Variants in CEP295 observed in about 807,000 individuals in gnomAD.
CEP295 encodes the protein centrosomal protein of 295 kDa.
CEP295 carries 190 observed loss-of-function variants against 291.6 expected under a neutral mutation model. That is an observed-to-expected ratio of 0.65 (90% confidence interval 0.58 to 0.73). The LOEUF is 0.73. CEP295 is among the 30% of genes least tolerant of loss of function. The pLI is 0.00. For synonymous variants in CEP295, 993 were observed against 1,038.8 expected (o/e 0.96, Z 0.85); for missense variants, 2,863 against 2,949.4 (o/e 0.97, Z 0.68).
chr11:93,711,237 A>G (rs997132946), intron 18 of CEP295, among the ~76,000 whole-genome samples: 2 of 152,028 alleles, frequency 1.3e-5, no homozygotes, highest in African/African-American at 4.8e-5. Context: ...GTAGATACTT[A>G]AATAGCTATA....
intron 6 of CEP295, 57 bp from the exon 7 acceptor site, chr11:93,679,355 G>T: frequency 6.9e-7 from 1 of 1,446,220 alleles, no homozygotes; most frequent in Non-Finnish European, 9.3e-7. Flanking sequence ...TTGTTTTTTA[G>T]TTACTGCTTG....
chr11:93,684,819 C>T (rs1318316065), intron 9 of CEP295, among the ~76,000 whole-genome samples: 1 of 152,158 alleles, frequency 6.6e-6, no homozygotes, highest in Non-Finnish European at 1.5e-5. Flanking sequence ...CTGGTGCCAT[C>T]CCCATTTGAG....
intron 17 of CEP295, among the ~76,000 whole-genome samples, chr11:93,705,950 G>T (rs1952485349): frequency 6.6e-6 from 1 of 152,168 alleles, no homozygotes; most frequent in African/African-American, 2.4e-5. Context: ...TATTGAGCCA[G>T]ACCTAGGAGA....
chr11:93,716,750 A>G (rs1402368614), intron 18 of CEP295, among the ~76,000 whole-genome samples: 1 of 152,272 alleles, frequency 6.6e-6, no homozygotes, highest in Admixed American at 6.5e-5. Context: ...TTCATAACTC[A>G]GGATTGCACA....
At chr11:93,667,916 T>G (rs905052814) in intron 3 of CEP295, 109 bp downstream of exon 3, 1 of 765,386 alleles carries the variant, frequency 1.3e-6, no homozygotes, top group Admixed American at 3.3e-5. Context: ...TGAATTTCTT[T>G]GGGGCAGCTT....
chr11:93,700,348 G>A (rs750004491), intron 15 of CEP295, among the ~76,000 whole-genome samples, 162 bp downstream of exon 15: 20 of 151,826 alleles, frequency 1.3e-4, no homozygotes, highest in Non-Finnish European at 2.2e-4. Context: ...AACAAAAATC[G>A]ATCCACCCAC....
chr11:93,661,804 C>T (rs1285536348), intron 1 of CEP295, 30 bp downstream of exon 1: 1 of 152,742 alleles, frequency 6.5e-6, no homozygotes, highest in Non-Finnish European at 1.5e-5. Context: ...GCTTCCCAGT[C>T]GCCCCGTAGG....
chr11:93,722,086 G>A (rs1211848962), intron 20 of CEP295, 36 bp downstream of exon 20: 1 of 1,262,698 alleles, frequency 7.9e-7, no homozygotes, highest in Non-Finnish European at 1.1e-6. Context: ...TAAGTTGAAA[G>A]ACCGGCACCA....
chr11:93,676,130 A>G (rs753695498), intron 6 of CEP295, among the ~76,000 whole-genome samples: 6 of 151,928 alleles, frequency 3.9e-5, no homozygotes, highest in Non-Finnish European at 5.9e-5. Flanking sequence ...TTTAACCATT[A>G]TTTTATTTTT....
In CEP295 at chr11:93,728,744, A is replaced by G. The variant is rs749924176; in HGVS notation, c.7225A>G (p.Thr2409Ala). The change falls in exon 25 of 30, where the codon ACC (threonine) becomes GCC (alanine). Residue 2409 changes from threonine to alanine, a missense_variant. By Grantham distance (58) the Thr-to-Ala change is moderately conservative. Coordinates refer to ENST00000325212, the MANE Select transcript of CEP295 (RefSeq NM_033395.2). Reference protein sequence around the residue: ...PELTLISTTDTSIAEMDFANL... With the variant: ...PELTLISTTDASIAEMDFANL... ...ACTTACTTTAATAAGCACCACTGAT[A>G]CCAGTATTGCTGAAATGGATTTTGC... is the stretch of plus-strand genomic sequence containing the variant. 2.6e-5 allele frequency: 41 copies of G among 1,550,822 alleles called. No individual in the cohort carries two copies. Among genetic ancestry groups the G allele is most frequent in the Non-Finnish European group, 2.8e-5 (32 of 1,146,640 alleles).
chr11:93,724,340 T>C lies in CEP295; in HGVS notation c.6283T>C (p.Ser2095Pro), dbSNP rs980657874. The change falls in exon 22 of 30, where the codon TCT becomes CCT. Residue 2095 changes from serine (S) to proline (P), a missense_variant. Physicochemically the swap from Ser to Pro is moderately conservative, Grantham distance 74. Coordinates refer to ENST00000325212, the MANE Select transcript of CEP295 (RefSeq NM_033395.2). ...HPDFDLSSSSSGISPDNRDFY... is the reference protein window; with the variant it reads ...HPDFDLSSSSPGISPDNRDFY... ...AGATTTTGACTTATCATCATCATCCTCTGGGATTTCTCCAGACAACAGAGA... is the reference window on the plus strand; with the variant it reads ...AGATTTTGACTTATCATCATCATCCCCTGGGATTTCTCCAGACAACAGAGA... 1.3e-6 allele frequency: 2 copies of C among 1,550,332 alleles called. No individual in the cohort carries two copies. Among genetic ancestry groups the C allele is most frequent in the Non-Finnish European group, 1.7e-6 (2 of 1,145,698 alleles).
chr11:93,681,509 G>A (rs529074171), intron 7 of CEP295, among the ~76,000 whole-genome samples: 1 of 131,012 alleles, frequency 7.6e-6, no homozygotes, highest in African/African-American at 2.8e-5. Context: ...TCCACCTCCT[G>A]GGTTCAAATG....
chr11:93,722,909 C>A, intron 20 of CEP295, 132 bp from the exon 21 acceptor site: 1 of 647,548 alleles, frequency 1.5e-6, no homozygotes, highest in Non-Finnish European at 2.6e-6. Context: ...TGGGGTTTCA[C>A]CATGTTGGCG....
chr11:93,702,793 G>C lies in CEP295; in HGVS notation c.5470G>C (p.Asp1824His). ...CTTAATAGGTGAGCATCTGGAGAAAGATCTGGGGAGAAGATCCTCAAAGCC... is the reference window on the plus strand; with the variant it reads ...CTTAATAGGTGAGCATCTGGAGAAACATCTGGGGAGAAGATCCTCAAAGCC... ...AKQSGEHLEK[D>H]LGRRSSKPPV... Residue 1824 changes from aspartate (D) to histidine (H), a missense_variant, in exon 17 of 30, where the codon GAT (aspartate) becomes CAT (histidine). Around this residue, in one of 3 missense-constraint regions of CEP295, gnomAD observed 2,295 missense variants for 2,335.7 expected, o/e 0.98. Transcript: ENST00000325212. The C allele has an allele frequency of 1.3e-6, 2 of 1,551,988 alleles. No homozygotes were observed. The highest frequency in any genetic ancestry group is 2.4e-5 in the East Asian group (1 of 40,912).
At chr11:93,669,975 A>G (rs1294385095) in intron 5 of CEP295, among the ~76,000 whole-genome samples, 1 of 152,152 alleles carries the variant, frequency 6.6e-6, no homozygotes, top group Non-Finnish European at 1.5e-5. Flanking sequence ...TCTCTGATGT[A>G]TAAGGACTTT....
At chr11:93,715,807 C>T (rs927842918) in intron 18 of CEP295, among the ~76,000 whole-genome samples, 4 of 152,038 alleles carry the variant, frequency 2.6e-5, no homozygotes, top group African/African-American at 9.7e-5. Flanking sequence ...ATGGGGACCT[C>T]ATAAGTCCTC....
chr11:93,713,071 G>T (rs997018305), intron 18 of CEP295, among the ~76,000 whole-genome samples: 1 of 151,836 alleles, frequency 6.6e-6, no homozygotes, highest in Non-Finnish European at 1.5e-5. Flanking sequence ...CAAGCAAAGA[G>T]AAAACTAATA....
intron 6 of CEP295, among the ~76,000 whole-genome samples, chr11:93,676,331 ATT>A (rs1017020168): frequency 3.9e-5 from 6 of 152,008 alleles, no homozygotes; most frequent in African/African-American, 1.4e-4. Context: ...TGCACTGAAT[ATT>A]ATGTTTTAAA....
At position 93,728,785 on chromosome 11, in the gene CEP295, A is replaced by G; in HGVS notation, c.7266A>G (p.Glu2422=). 1 of 1,549,266 alleles carries G rather than the reference A, an allele frequency of 6.5e-7. No homozygotes were observed. Among genetic ancestry groups the G allele is most frequent in the South Asian group, 1.2e-5 (1 of 83,558 alleles). The change falls in exon 25 of 30, where the codon GAA becomes GAG. Residue 2422 remains glutamate (E), a synonymous_variant. Transcript: ENST00000325212. Reference sequence around the variant, plus strand: ...TGGATTTTGCAAATTTAACCCTAGAAGAGAAGAGCGAGAATGAAGCAAAAT... The same window carrying G: ...TGGATTTTGCAAATTTAACCCTAGAGGAGAAGAGCGAGAATGAAGCAAAAT... ...AEMDFANLTL[E]EKSENEAKCF...
Sources: gnomAD v4.1 joint callset for allele counts (sites outside exome capture counted in the v4.1 genomes callset) on GRCh38, gnomAD v4.1.1 for gene constraint, gnomAD v4.1.1 regional missense constraint, MANE v1.5 for transcripts, NCBI Gene and HGNC (gene_info 2026-07-23, HGNC 2026-07-21) for gene names.